CRY2: variants seen among roughly 807,000 people sequenced by gnomAD.
CRY2 encodes the protein cryptochrome circadian regulator 2, also known as cryptochrome-2.
In CRY2, 31 loss-of-function variants were observed where a neutral mutation model predicts 69.5. That is an observed-to-expected ratio of 0.45 (90% CI 0.34 to 0.60). The LOEUF (loss-of-function observed/expected upper bound fraction) is 0.60. Among genes scored for constraint, CRY2 ranks in the 20% least tolerant of loss-of-function variants. The pLI is 0.02. For missense variants in CRY2, 606 were observed against 797.8 expected (o/e 0.76, Z 2.90); for synonymous variants, 303 against 312.2 (o/e 0.97, Z 0.31).
intron 3 of CRY2, among the ~76,000 whole-genome samples, 162 bp downstream of exon 3, chr11:45,859,035 A>G (rs1402743471): frequency 6.6e-6 from 1 of 152,182 alleles, no homozygotes; most frequent in Non-Finnish European, 1.5e-5. Context: ...CAGGACCTGT[A>G]GAACAGGTCA....
chr11:45,867,702 T>A lies in CRY2; in HGVS notation c.832T>A (p.Cys278Ser). 1 of 1,614,180 alleles carries A rather than the reference T, an allele frequency of 6.2e-7. No individual in the cohort carries two copies. Among genetic ancestry groups the A allele is most frequent in the Non-Finnish European group, 8.5e-7 (1 of 1,180,022 alleles). Residue 278 changes from cysteine (C) to serine (S), a missense_variant, in exon 6 of 12, where the codon TGT (cysteine) becomes AGT (serine). Physicochemically the swap from Cys to Ser is moderately radical, Grantham distance 112. Coordinates refer to ENST00000616080, the MANE Select transcript of CRY2 (RefSeq NM_021117.5). Reference sequence around the variant, plus strand: ...CCTCAGCCCCTACCTGCGCTTTGGTTGTCTCTCCTGCCGCCTCTTCTACTA... The same window carrying A: ...CCTCAGCCCCTACCTGCGCTTTGGTAGTCTCTCCTGCCGCCTCTTCTACTA... ...TGLSPYLRFGCLSCRLFYYRL... is the reference protein window; with the variant it reads ...TGLSPYLRFGSLSCRLFYYRL...
Position 45,869,746 on chromosome 11 carries a change from C to G in CRY2, c.1123C>G (p.Leu375Val). The G allele has an allele frequency of 4.3e-6, 7 of 1,613,934 alleles. No individual in the cohort carries two copies. Among genetic ancestry groups the G allele is most frequent in the Non-Finnish European group, 5.9e-6 (7 of 1,179,916 alleles). The change falls in exon 7 of 12, where the codon CTG (leucine) becomes GTG (valine). Residue 375 changes from leucine (L) to valine (V), a missense_variant. Around this residue, in one of 5 missense-constraint regions of CRY2, gnomAD observed 382 missense variants for 508.9 expected, o/e 0.75. Coordinates refer to ENST00000616080, the MANE Select transcript of CRY2 (RefSeq NM_021117.5). ...GAGGCAGGAGGGCTGGATCCACCAC[C>G]TGGCCCGGCATGCCGTGGCCTGCTT... ...QLRQEGWIHH[L>V]ARHAVACFLT...
rs1433601412 is a variant in CRY2, at chr11:45,881,840, C to G, written c.*929C>G. ...CCCCCTGGTTTCTCTGGCCACACTCCAAGGCACCACAGTGCTGCCAGTGAG... is the reference window on the plus strand; with the variant it reads ...CCCCCTGGTTTCTCTGGCCACACTCGAAGGCACCACAGTGCTGCCAGTGAG... On this transcript the variant is annotated 3_prime_UTR_variant, in exon 12 of 12. Transcript: ENST00000616080. 6.6e-6 allele frequency: 1 copy of G among 152,296 alleles called. No homozygotes were observed. The highest frequency in any genetic ancestry group is 1.5e-5 in the Non-Finnish European group (1 of 68,112). The allele number at this position is 152,296 out of a possible 1,614,324, so 9.4% of individuals were successfully genotyped here.
intron 1 of CRY2, among the ~76,000 whole-genome samples, chr11:45,853,425 A>G (rs1252069275): frequency 6.6e-6 from 1 of 152,216 alleles, no homozygotes; most frequent in Non-Finnish European, 1.5e-5. Context: ...GATTAGCTGT[A>G]CTTTAGAGAT....
At chr11:45,857,813 A>G (rs2086253832) in intron 2 of CRY2, among the ~76,000 whole-genome samples, 1 of 152,244 alleles carries the variant, frequency 6.6e-6, no homozygotes, top group Non-Finnish European at 1.5e-5. Context: ...CCTGGCATAT[A>G]GCAAGGGCTC....
Position 45,861,021 on chromosome 11 carries a change from TG to T in CRY2, c.643del (p.Glu215ArgfsTer44). 1 of 1,612,464 alleles carries T rather than the reference TG, an allele frequency of 6.2e-7. No homozygotes were observed. Among genetic ancestry groups the T allele is most frequent in the Non-Finnish European group, 8.5e-7 (1 of 1,179,660 alleles). ...NHDETYGVPS[L>X]EELGFPTEGL... ...GACGAGACCTACGGCGTGCCCTCCC[TG>T]GAGGAGCTGGGTGCGTACTTCCTGC... On this transcript the variant is annotated frameshift_variant, in exon 4 of 12. Transcript: ENST00000616080. LOFTEE classifies it high-confidence loss of function.
intron 10 of CRY2, among the ~76,000 whole-genome samples, chr11:45,871,846 C>T (rs2086385977): frequency 1.3e-5 from 2 of 152,204 alleles, no homozygotes; most frequent in Non-Finnish European, 2.9e-5. Flanking sequence ...CTGGCCACAG[C>T]CCATGCCATT....
chr11:45,881,816 C>T lies in CRY2; in HGVS notation c.*905C>T, dbSNP rs531239866. 24 of 152,322 alleles carry T rather than the reference C, an allele frequency of 1.6e-4. No individual in the cohort carries two copies. Among genetic ancestry groups the T allele is most frequent in the African/African-American group, 5.8e-4 (24 of 41,552 alleles). The allele number at this position is 152,322 out of a possible 1,614,324, so 9.4% of individuals were successfully genotyped here. ...AGACCAGGTTGCAGTGGCGTAAGGC[C>T]CCCTGGTTTCTCTGGCCACACTCCA... On this transcript the variant is annotated 3_prime_UTR_variant, in exon 12 of 12. Coordinates refer to ENST00000616080, the MANE Select transcript of CRY2 (RefSeq NM_021117.5).
At chr11:45,855,151 T>G (rs2086229598) in intron 1 of CRY2, among the ~76,000 whole-genome samples, 1 of 151,948 alleles carries the variant, frequency 6.6e-6, no homozygotes, top group Non-Finnish European at 1.5e-5. Flanking sequence ...CTAGCTGCGG[T>G]CTTCCCCACC....
chr11:45,871,490 A>T (rs1251826401), intron 10 of CRY2, among the ~76,000 whole-genome samples: 1 of 152,160 alleles, frequency 6.6e-6, no homozygotes, highest in Non-Finnish European at 1.5e-5. Context: ...GATTGGACTT[A>T]GGTCTGAAAA....
chr11:45,865,527 G>A (rs1393135966), intron 5 of CRY2, among the ~76,000 whole-genome samples: 1 of 152,208 alleles, frequency 6.6e-6, no homozygotes, highest in Non-Finnish European at 1.5e-5. Flanking sequence ...ATACCACAGG[G>A]GTTACCTGCA....
In CRY2 at chr11:45,859,216, G is replaced by A. The variant is rs116437699; in HGVS notation, c.467+343G>A. On this transcript the variant is annotated intron_variant, in intron 3 of 11. Coordinates refer to ENST00000616080, the MANE Select transcript of CRY2 (RefSeq NM_021117.5). ...GCTCAACAGCTGCCCTCTGACCTCA[G>A]TGGACCCTGTCTGTTACCCCTCCAA... is the stretch of plus-strand genomic sequence containing the variant. 6.1e-3 allele frequency among the ~76,000 whole-genome samples: 924 copies of A among 152,222 alleles called. 13 individuals carry two copies. Among genetic ancestry groups the A allele is most frequent in the Middle Eastern group, 0.02 (6 of 294 alleles).
intron 3 of CRY2, among the ~76,000 whole-genome samples, chr11:45,859,874 A>G (rs917630501): frequency 7.9e-5 from 12 of 152,144 alleles, no homozygotes; most frequent in East Asian, 5.8e-4. Flanking sequence ...GCCAGGTCAC[A>G]CAGCTGTGCA....
At chr11:45,867,571 A>G in intron 5 of CRY2, 41 bp from the exon 6 acceptor site, 2 of 1,613,210 alleles carry the variant, frequency 1.2e-6, no homozygotes, top group Non-Finnish European at 1.7e-6. Context: ...CCTCTGTTAC[A>G]TCCAAGCCTT....
chr11:45,864,306 A>G (rs555230183), intron 5 of CRY2, among the ~76,000 whole-genome samples: 1 of 152,372 alleles, frequency 6.6e-6, no homozygotes, highest in South Asian at 2.1e-4. Context: ...TGCAGATTAA[A>G]AGAAAATTAA....
intron 11 of CRY2, among the ~76,000 whole-genome samples, chr11:45,875,042 A>G (rs1439536484): frequency 6.6e-6 from 1 of 152,222 alleles, no homozygotes; most frequent in Non-Finnish European, 1.5e-5. Context: ...GCAGTTCTGT[A>G]TTATAAGGGT....
chr11:45,850,310 G>A (rs12794698), intron 1 of CRY2, among the ~76,000 whole-genome samples: 61,491 of 152,060 alleles, frequency 0.4, 14,716 homozygotes, highest in Middle Eastern at 0.54. Context: ...GCCCGGCCTT[G>A]GGCATTAAGG....
In CRY2 at chr11:45,882,325, T is replaced by C; in HGVS notation, c.*1414T>C. 3.5e-6 allele frequency: 1 copy of C among 287,750 alleles called. No homozygotes were observed. 17.8% of individuals were successfully genotyped at this position (287,750 alleles called of 1,614,324 possible). A position where few individuals can be genotyped will look rare whatever the true frequency, so the allele number is the denominator to read the frequency against. On this transcript the variant is annotated 3_prime_UTR_variant, in exon 12 of 12. Transcript: ENST00000616080. ...TGTGTGTGGCTATGAGGCTGATTCC[T>C]GTTTGGATTTTTGTCCTCACGTGTA...
intron 5 of CRY2, among the ~76,000 whole-genome samples, chr11:45,862,954 G>C (rs991370761): frequency 1.2e-4 from 19 of 152,208 alleles, no homozygotes; most frequent in African/African-American, 4.6e-4. Context: ...TTTATAAAAT[G>C]TCAGCTTTTT....
Sources: allele counts gnomAD v4.1 joint callset (sites outside exome capture counted in the v4.1 genomes callset), GRCh38; gene constraint gnomAD v4.1.1; regional missense constraint gnomAD v4.1.1; transcripts MANE v1.5; gene names NCBI Gene and HGNC (gene_info 2026-07-23, HGNC 2026-07-21).